The following MACROD2 variants were observed in gnomAD, a reference collection of about 807,000 sequenced individuals.
MACROD2 encodes mono-ADP ribosylhydrolase 2.
A neutral mutation model predicts 70.4 loss-of-function variants in MACROD2; 36 were observed. The ratio of observed to expected loss-of-function variants is 0.51; its 90% CI spans 0.39 to 0.68. MACROD2 has a LOEUF of 0.68. Ranked by LOEUF, MACROD2 falls within the 30% of genes least tolerant of loss-of-function variation. The probability of loss-of-function intolerance (pLI) is 0.00; values close to 1 mark genes in which losing one functional copy is unlikely to be tolerated. For missense variants in MACROD2, 496 were observed against 538.4 expected (o/e 0.92, Z 0.78); for synonymous variants, 172 against 178.8 (o/e 0.96, Z 0.30).
In MACROD2 at chr20:14,955,705, C is replaced by T. The variant is rs116378981; in HGVS notation, c.418+270746C>T. 9.5e-3 allele frequency among the ~76,000 whole-genome samples: 1,452 copies of T among 152,206 alleles called. 26 individuals are homozygous for T. The highest frequency in any genetic ancestry group is 0.033 in the African/African-American group (1,370 of 41,512). ...TCTAACTCTGCGACCAGCGCTCCCC[C>T]ACCCCCAGCCCTGCAACTGCAATGC... On this transcript the variant is annotated intron_variant, in intron 5 of 17. Coordinates refer to ENST00000684519, the MANE Select transcript of MACROD2 (RefSeq NM_001351661.2).
intron 15 of MACROD2, among the ~76,000 whole-genome samples, chr20:16,013,999 A>T (rs1470080400): frequency 6.6e-6 from 1 of 152,222 alleles, no homozygotes; most frequent in Non-Finnish European, 1.5e-5. Flanking sequence ...TAACTGCGAC[A>T]TTTAACTTCT....
chr20:14,296,622 C>A (rs1184905350), intron 3 of MACROD2, among the ~76,000 whole-genome samples: 1 of 151,884 alleles, frequency 6.6e-6, no homozygotes, highest in Non-Finnish European at 1.5e-5. Flanking sequence ...TGAAGAGATG[C>A]AAATTTAGGT....
chr20:14,294,477 G>C (rs767858041), intron 3 of MACROD2, among the ~76,000 whole-genome samples: 1 of 151,588 alleles, frequency 6.6e-6, no homozygotes, highest in Non-Finnish European at 1.5e-5. Context: ...TGTTCACAGA[G>C]AGCAGCATAT....
At chr20:14,395,371 T>C (rs2083570437) in intron 3 of MACROD2, among the ~76,000 whole-genome samples, 1 of 152,132 alleles carries the variant, frequency 6.6e-6, no homozygotes, top group African/African-American at 2.4e-5. Flanking sequence ...TTTGTCAAAT[T>C]TAGGGGAACA....
intron 6 of MACROD2, among the ~76,000 whole-genome samples, chr20:15,275,561 G>T (rs2077383730): frequency 1.3e-5 from 2 of 152,166 alleles, no homozygotes; most frequent in African/African-American, 4.8e-5. Context: ...AGATCAAAAT[G>T]CAACTTGGTG....
chr20:14,893,592 A>G (rs1219025465), intron 5 of MACROD2: 1 of 152,070 alleles, frequency 6.6e-6, no homozygotes, highest in African/African-American at 2.4e-5. Flanking sequence ...TGCTTATTTG[A>G]TAGATAAAAA....
At chr20:15,649,963 G>A (rs567395687) in intron 8 of MACROD2, among the ~76,000 whole-genome samples, 9 of 152,080 alleles carry the variant, frequency 5.9e-5, no homozygotes, top group East Asian at 1.9e-4. Flanking sequence ...CTTCCCCATT[G>A]GATGCTATGA....
intron 5 of MACROD2, among the ~76,000 whole-genome samples, chr20:14,869,801 T>C (rs2073467848): frequency 6.6e-6 from 1 of 152,116 alleles, no homozygotes; most frequent in African/African-American, 2.4e-5. Flanking sequence ...AAATGCTACA[T>C]GCTATAATAG....
At chr20:14,886,211 T>G (rs2073673413) in intron 5 of MACROD2, among the ~76,000 whole-genome samples, 1 of 152,108 alleles carries the variant, frequency 6.6e-6, no homozygotes, top group Admixed American at 6.5e-5. Flanking sequence ...GGTCTAGCTA[T>G]GAGGCTGTCT....
chr20:14,065,009 C>T (rs974039682), intron 2 of MACROD2, among the ~76,000 whole-genome samples: 4 of 152,158 alleles, frequency 2.6e-5, no homozygotes, highest in African/African-American at 4.8e-5. Context: ...ATCTGAATCA[C>T]GGAACCAAAG....
chr20:14,129,208 G>C (rs939279432), intron 3 of MACROD2, among the ~76,000 whole-genome samples: 5 of 152,192 alleles, frequency 3.3e-5, no homozygotes, highest in Non-Finnish European at 7.3e-5. Flanking sequence ...ATTCATGGAA[G>C]GAGGTCACAA....
chr20:14,420,503 C>A (rs2083863153), intron 3 of MACROD2, among the ~76,000 whole-genome samples: 1 of 152,088 alleles, frequency 6.6e-6, no homozygotes, highest in Non-Finnish European at 1.5e-5. Context: ...TACTTACTGG[C>A]CATTCGTGTA....
intron 2 of MACROD2, among the ~76,000 whole-genome samples, chr20:14,005,845 C>T (rs1175249415): frequency 6.6e-6 from 1 of 152,112 alleles, no homozygotes; most frequent in Non-Finnish European, 1.5e-5. Context: ...AAGTGATCTG[C>T]CCATGTTGGC....
chr20:14,941,308 G>A (rs988434531), intron 5 of MACROD2, among the ~76,000 whole-genome samples: 1 of 151,884 alleles, frequency 6.6e-6, no homozygotes, highest in Non-Finnish European at 1.5e-5. Flanking sequence ...GGAGGGGTTG[G>A]TAGTCCTGCC....
chr20:15,286,922 A>G (rs1247933979), intron 6 of MACROD2, among the ~76,000 whole-genome samples: 1 of 152,170 alleles, frequency 6.6e-6, no homozygotes, highest in Admixed American at 6.5e-5. Flanking sequence ...TAGAGAAGAG[A>G]GAACTAGAGT....
At chr20:14,450,638 T>A (rs973845407) in intron 3 of MACROD2, among the ~76,000 whole-genome samples, 2 of 152,072 alleles carry the variant, frequency 1.3e-5, no homozygotes, top group African/African-American at 2.4e-5. Context: ...CCCTAAGGAG[T>A]TTATAACATT....
chr20:15,677,704 C>CAACCAACCA (rs1555859235), intron 8 of MACROD2, among the ~76,000 whole-genome samples: 1 of 75,436 alleles, frequency 1.3e-5, no homozygotes, highest in Non-Finnish European at 3.9e-5. Flanking sequence ...ACCAACCAAC[C>CAACCAACCA]AAATACATCC....
At chr20:14,595,506 T>TA (rs1488157718) in intron 4 of MACROD2, among the ~76,000 whole-genome samples, 4 of 152,194 alleles carry the variant, frequency 2.6e-5, no homozygotes, top group Non-Finnish European at 4.4e-5. Context: ...GGAACCCCCT[T>TA]ACACTTGGCT....
chr20:15,191,187 GA>G (rs2145914596), intron 5 of MACROD2, among the ~76,000 whole-genome samples: 1 of 152,256 alleles, frequency 6.6e-6, no homozygotes. Context: ...CAACTATGTA[GA>G]ATGTACCTCA....
Sources: gnomAD v4.1 joint callset for allele counts (sites outside exome capture counted in the v4.1 genomes callset) on GRCh38, gnomAD v4.1.1 for gene constraint, MANE v1.5 for transcripts, NCBI Gene and HGNC (gene_info 2026-07-23, HGNC 2026-07-21) for gene names.